Variants in FER observed in about 807,000 individuals in gnomAD.
The protein encoded by FER is FER tyrosine kinase.
Under a neutral mutation model 111.0 loss-of-function variants are expected in FER, and 63 were observed. The ratio of observed to expected loss-of-function variants is 0.57; its 90% CI spans 0.46 to 0.70. FER has a LOEUF of 0.70. Ranked by LOEUF, FER falls within the 30% of genes least tolerant of loss-of-function variation. The pLI, the probability that FER is intolerant of heterozygous loss-of-function variation, is 0.00. For synonymous variants in FER, 327 were observed against 313.9 expected (o/e 1.04, Z -0.44); for missense variants, 914 against 954.0 (o/e 0.96, Z 0.55).
intron 13 of FER, among the ~76,000 whole-genome samples, chr5:109,034,412 G>A (rs1453659733): frequency 6.6e-6 from 1 of 151,964 alleles, no homozygotes; most frequent in Admixed American, 6.6e-5. Flanking sequence ...TTCTACCACA[G>A]TGTGGTATGT....
At chr5:108,923,420 G>T (rs1160125970) in intron 10 of FER, among the ~76,000 whole-genome samples, 1 of 152,196 alleles carries the variant, frequency 6.6e-6, no homozygotes. Flanking sequence ...TGTCAGAATT[G>T]TGACCCAGGG....
chr5:109,015,080 A>G (rs1228411268), intron 13 of FER: 1 of 152,118 alleles, frequency 6.6e-6, no homozygotes, highest in Non-Finnish European at 1.5e-5. Context: ...TAGTTATAGA[A>G]AAAAGTTGTT....
chr5:108,971,896 G>C lies in FER; in HGVS notation c.1656+12549G>C, dbSNP rs896846579. Among the ~76,000 whole-genome samples the C allele has an allele frequency of 3.9e-5, 6 of 152,114 alleles. No individual in the cohort carries two copies. In the East Asian group the frequency reaches 9.7e-4, roughly 24 times the overall value. ...AACAGTTTAATATTTAGTCAGGTTCGTAGAGAATGCACATGCTGAGTGAAA... is the reference window on the plus strand; with the variant it reads ...AACAGTTTAATATTTAGTCAGGTTCCTAGAGAATGCACATGCTGAGTGAAA... On this transcript the variant is annotated intron_variant, in intron 13 of 19. Coordinates refer to ENST00000281092, the MANE Select transcript of FER (RefSeq NM_005246.4).
intron 3 of FER, among the ~76,000 whole-genome samples, chr5:108,800,995 C>G (rs996238586): frequency 6.6e-6 from 1 of 152,056 alleles, no homozygotes; most frequent in Non-Finnish European, 1.5e-5. Context: ...TGCAGTGAGC[C>G]GAGGTCATGC....
intron 13 of FER, among the ~76,000 whole-genome samples, chr5:108,996,224 T>C (rs1004341427): frequency 2.0e-5 from 3 of 152,198 alleles, no homozygotes; most frequent in Non-Finnish European, 2.9e-5. Context: ...GTGTTCACTC[T>C]GATGATAGTT....
intron 5 of FER, among the ~76,000 whole-genome samples, chr5:108,848,384 G>T (rs145894056): frequency 2.0e-5 from 3 of 151,902 alleles, no homozygotes; most frequent in Non-Finnish European, 2.9e-5. Context: ...TTTGTTCCAC[G>T]TATTCTGTAT....
At chr5:108,864,735 G>C (rs1763862451) in intron 5 of FER, among the ~76,000 whole-genome samples, 1 of 152,170 alleles carries the variant, frequency 6.6e-6, no homozygotes. Context: ...TTTGGTACCA[G>C]TACCATGCTG....
intron 5 of FER, among the ~76,000 whole-genome samples, chr5:108,843,294 A>G (rs563979388): frequency 6.6e-6 from 1 of 152,302 alleles, no homozygotes; most frequent in South Asian, 2.1e-4. Context: ...CTATCTATGG[A>G]AAACAAAAAA....
In FER at chr5:108,981,489, A is replaced by T. The variant is rs187542896; in HGVS notation, c.1656+22142A>T. Among the ~76,000 whole-genome samples, 6 of 152,232 alleles carry T rather than the reference A, an allele frequency of 3.9e-5. No individual in the cohort carries two copies. In the East Asian group the frequency reaches 1.2e-3, roughly 29 times the overall value. ...CCTCTAAAGTCGATATAGGCTACAC[A>T]TTCAGTTCTGAGTGGGTAAACAATA... On this transcript the variant is annotated intron_variant, in intron 13 of 19. Coordinates refer to ENST00000281092, the MANE Select transcript of FER (RefSeq NM_005246.4).
chr5:108,860,198 C>T (rs998465355), intron 5 of FER, among the ~76,000 whole-genome samples: 7 of 152,092 alleles, frequency 4.6e-5, no homozygotes, highest in Non-Finnish European at 7.4e-5. Context: ...ACCTCAGTCC[C>T]CCAAAGTGCT....
chr5:108,972,473 A>C (rs528772040), intron 13 of FER, among the ~76,000 whole-genome samples: 2 of 152,300 alleles, frequency 1.3e-5, no homozygotes, highest in South Asian at 4.1e-4. Context: ...ATACATACTC[A>C]TAAAGCATCT....
intron 9 of FER, among the ~76,000 whole-genome samples, chr5:108,896,884 G>T (rs1288193545): frequency 6.6e-6 from 1 of 152,104 alleles, no homozygotes; most frequent in East Asian, 1.9e-4. Flanking sequence ...GCATGGCACG[G>T]TCCTTTTTGG....
chr5:108,997,556 C>A (rs112328787), intron 13 of FER, among the ~76,000 whole-genome samples: 17,225 of 152,026 alleles, frequency 0.11, 1,080 homozygotes, highest in Middle Eastern at 0.16. Flanking sequence ...TGCCTGATTG[C>A]CCTGGCCAGA....
intron 13 of FER, among the ~76,000 whole-genome samples, chr5:108,973,116 A>C (rs959381807): frequency 6.6e-6 from 1 of 152,180 alleles, no homozygotes; most frequent in Non-Finnish European, 1.5e-5. Flanking sequence ...ATCTTGTGTA[A>C]TATTTAATAT....
At chr5:108,896,727 T>G (rs1191794660) in intron 9 of FER, among the ~76,000 whole-genome samples, 5 of 152,234 alleles carry the variant, frequency 3.3e-5, no homozygotes, top group Non-Finnish European at 5.9e-5. Flanking sequence ...GGGTTACTTT[T>G]GTCTGTGAAT....
rs202195528 is a variant in FER, at chr5:108,897,662, T to C, written c.1050T>C (p.Ile350=). 1.3e-4 allele frequency: 207 copies of C among 1,586,662 alleles called. No homozygotes were observed. The highest frequency in any genetic ancestry group is 1.7e-4 in the Non-Finnish European group (196 of 1,170,034). ...SSETCEKKSD[I]VLLLSQKQAL... ...ATTTATATTTATTCTCTTTTAGTAT[T>C]GTGCTTCTGCTAAGCCAAAAACAGG... The change falls in exon 10 of 20, where the codon ATT becomes ATC. Residue 350 remains isoleucine (I), a synonymous_variant. Coordinates refer to ENST00000281092, the MANE Select transcript of FER (RefSeq NM_005246.4).
chr5:109,187,329 T>A, intron 19 of FER, 104 bp from the exon 20 acceptor site: 1 of 1,205,000 alleles, frequency 8.3e-7, no homozygotes, highest in South Asian at 1.6e-5. Context: ...TCCATATAAC[T>A]ACAACATAAG....
At chr5:109,124,059 T>C (rs1280628394) in intron 17 of FER, among the ~76,000 whole-genome samples, 4 of 150,924 alleles carry the variant, frequency 2.7e-5, no homozygotes, top group Non-Finnish European at 4.4e-5. Context: ...ACCTGATCTC[T>C]ACAAAAAATA....
chr5:108,814,134 C>T (rs935220599), intron 3 of FER, among the ~76,000 whole-genome samples: 1 of 152,116 alleles, frequency 6.6e-6, no homozygotes, highest in Non-Finnish European at 1.5e-5. Context: ...GAATTCAATA[C>T]ACAGTCACTT....
Sources: allele counts gnomAD v4.1 joint callset (sites outside exome capture counted in the v4.1 genomes callset), GRCh38; gene constraint gnomAD v4.1.1; transcripts MANE v1.5; gene names NCBI Gene and HGNC (gene_info 2026-07-23, HGNC 2026-07-21).